The following SDK1 variants were observed in gnomAD, a reference collection of about 807,000 sequenced individuals.
The protein encoded by SDK1 is protein sidekick-1.
A neutral mutation model predicts 245.5 loss-of-function variants in SDK1; 157 were observed. The observed-to-expected ratio is 0.64, with a 90% CI of 0.56 to 0.73. The LOEUF (loss-of-function observed/expected upper bound fraction) is 0.73, where lower values mean the gene tolerates loss of function less well. Ranked by LOEUF, SDK1 falls within the 30% of genes least tolerant of loss-of-function variation. The pLI is 0.00. For missense variants in SDK1, 3,583 were observed against 3,002.3 expected (o/e 1.19, Z -4.52); for synonymous variants, 1,647 against 1,278.5 (o/e 1.29, Z -6.15).
At chr7:3,353,642 C>T (rs557122934) in intron 1 of SDK1, among the ~76,000 whole-genome samples, 14 of 152,260 alleles carry the variant, frequency 9.2e-5, no homozygotes, top group South Asian at 4.2e-4. Flanking sequence ...TGGAGCTGCC[C>T]GTCAAAGCCA....
chr7:3,808,196 C>T (rs976047873), intron 4 of SDK1, among the ~76,000 whole-genome samples: 3 of 152,164 alleles, frequency 2.0e-5, no homozygotes, highest in East Asian at 1.9e-4. Flanking sequence ...GCCCGTGGAA[C>T]GTGCCCTCCT....
At chr7:3,495,444 A>T (rs981843073) in intron 1 of SDK1, among the ~76,000 whole-genome samples, 4 of 151,408 alleles carry the variant, frequency 2.6e-5, no homozygotes, top group African/African-American at 9.7e-5. Flanking sequence ...TTTTTAGTAG[A>T]GATGAAGTTT....
intron 1 of SDK1, among the ~76,000 whole-genome samples, chr7:3,467,333 A>T (rs1440754159): frequency 6.6e-6 from 1 of 152,120 alleles, no homozygotes; most frequent in African/African-American, 2.4e-5. Context: ...AACTACTTTT[A>T]TTCATGTAAT....
At chr7:3,504,803 C>T (rs911033099) in intron 1 of SDK1, among the ~76,000 whole-genome samples, 1 of 151,124 alleles carries the variant, frequency 6.6e-6, no homozygotes, top group Non-Finnish European at 1.5e-5. Context: ...CCATACTTGG[C>T]TGGTGGGGGA....
chr7:3,823,694 T>G (rs568609017), intron 5 of SDK1, among the ~76,000 whole-genome samples: 14 of 152,346 alleles, frequency 9.2e-5, no homozygotes, highest in African/African-American at 3.4e-4. Flanking sequence ...TTTTAACTTT[T>G]CATTGGCACC....
chr7:3,734,760 GT>G (rs1481562012), intron 4 of SDK1, among the ~76,000 whole-genome samples: 2 of 152,226 alleles, frequency 1.3e-5, no homozygotes, highest in East Asian at 3.8e-4. Context: ...TTCATCCTCA[GT>G]GCATAGGACT....
At position 3,392,819 on chromosome 7, in the gene SDK1, A is replaced by G. The variant is rs573620628; in HGVS notation, c.298+90935A>G. On this transcript the variant is annotated intron_variant, in intron 1 of 44. Coordinates refer to ENST00000404826, the MANE Select transcript of SDK1 (RefSeq NM_152744.4). ...ATTCCTTTTTTGGCTGAATAATAAT[A>G]TTCCAGTGTATGCGTATATCGCATT... Among the ~76,000 whole-genome samples, 56 of 152,220 alleles carry G rather than the reference A, an allele frequency of 3.7e-4. No individual in the cohort carries two copies. In the South Asian group the frequency reaches 0.011, roughly 30 times the overall value.
intron 2 of SDK1, among the ~76,000 whole-genome samples, chr7:3,632,600 T>C (rs1192522270): frequency 2.6e-5 from 4 of 152,224 alleles, no homozygotes; most frequent in African/African-American, 4.8e-5. Context: ...CAAGTTAATA[T>C]GAATTTTGAA....
chr7:3,489,726 G>A (rs191834221), intron 1 of SDK1, among the ~76,000 whole-genome samples: 7 of 152,280 alleles, frequency 4.6e-5, no homozygotes, highest in Admixed American at 2.0e-4. Flanking sequence ...TTAAGGCAAC[G>A]TATAAAAAAT....
At chr7:3,401,285 TATC>T (rs1389805409) in intron 1 of SDK1, among the ~76,000 whole-genome samples, 1 of 152,250 alleles carries the variant, frequency 6.6e-6, no homozygotes, top group East Asian at 1.9e-4. Context: ...TTGAGCATAA[TATC>T]ATGGAGGCAG....
At chr7:3,500,346 A>G (rs998768526) in intron 1 of SDK1, among the ~76,000 whole-genome samples, 2 of 152,124 alleles carry the variant, frequency 1.3e-5, no homozygotes, top group African/African-American at 4.8e-5. Context: ...GTCATGAGAA[A>G]TGCATTCTTT....
At chr7:3,309,306 A>C (rs894690667) in intron 1 of SDK1, among the ~76,000 whole-genome samples, 1 of 152,068 alleles carries the variant, frequency 6.6e-6, no homozygotes, top group Non-Finnish European at 1.5e-5. Context: ...TTTTATACAC[A>C]AACCACCAGA....
intron 25 of SDK1, among the ~76,000 whole-genome samples, chr7:4,118,018 A>G (rs1333334357): frequency 6.6e-6 from 1 of 152,220 alleles, no homozygotes; most frequent in Non-Finnish European, 1.5e-5. Flanking sequence ...AACTCCCAGA[A>G]CAGAAATTAA....
chr7:4,198,476 C>A (rs551416007), intron 35 of SDK1, among the ~76,000 whole-genome samples: 1 of 152,206 alleles, frequency 6.6e-6, no homozygotes. Context: ...TCCTCTGCCT[C>A]GGAGCAGGAT....
At position 3,421,038 on chromosome 7, in the gene SDK1, G is replaced by T. The variant is rs937266228; in HGVS notation, c.298+119154G>T. On this transcript the variant is annotated intron_variant, in intron 1 of 44. Transcript: ENST00000404826. ...GTTTAAGCAGCTTTGTTGAGAAAGA[G>T]TAAATTAAAGCTTTTATCAATTTTT... Among the ~76,000 whole-genome samples, 4 of 150,528 alleles carry T rather than the reference G, an allele frequency of 2.7e-5. No homozygotes were observed. In the East Asian group the frequency reaches 7.8e-4, roughly 29 times the overall value.
chr7:3,483,120 G>C (rs934177625), intron 1 of SDK1, among the ~76,000 whole-genome samples: 2 of 152,114 alleles, frequency 1.3e-5, no homozygotes, highest in African/African-American at 4.8e-5. Flanking sequence ...GGATTGGCTT[G>C]TCAAGTTCCT....
intron 1 of SDK1, among the ~76,000 whole-genome samples, chr7:3,368,633 G>A (rs1305858698): frequency 6.6e-6 from 1 of 152,208 alleles, no homozygotes; most frequent in South Asian, 2.1e-4. Flanking sequence ...TGGAGAGCCT[G>A]TCGGGTGAGT....
At chr7:3,545,809 A>G (rs368979616) in intron 1 of SDK1, among the ~76,000 whole-genome samples, 8 of 152,354 alleles carry the variant, frequency 5.3e-5, no homozygotes, top group African/African-American at 1.9e-4. Context: ...GGGTAATCAA[A>G]TAGTACTTTG....
chr7:3,943,528 C>T (rs1403671337), intron 5 of SDK1, among the ~76,000 whole-genome samples: 1 of 150,138 alleles, frequency 6.7e-6, no homozygotes, highest in African/African-American at 2.5e-5. Context: ...AGTCCATTTC[C>T]CCCACCCCAC....
Sources: gnomAD v4.1 joint callset for allele counts (sites outside exome capture counted in the v4.1 genomes callset) on GRCh38, gnomAD v4.1.1 for gene constraint, MANE v1.5 for transcripts, NCBI Gene and HGNC (gene_info 2026-07-23, HGNC 2026-07-21) for gene names.